The following MAD1L1 variants were observed in gnomAD, a reference collection of about 807,000 sequenced individuals.
The protein encoded by MAD1L1 is mitotic arrest deficient 1 like 1, also known as mitotic spindle assembly checkpoint protein MAD1.
MAD1L1 carries 95 observed loss-of-function variants against 96.9 expected under a neutral mutation model. That is an observed-to-expected ratio of 0.98 (90% CI 0.83 to 1.16). MAD1L1 has a LOEUF of 1.16. Ranked by LOEUF, MAD1L1 falls within the 50% of genes most tolerant of loss-of-function variation. The pLI, the probability that MAD1L1 is intolerant of heterozygous loss-of-function variation, is 0.00. For missense variants in MAD1L1, 1,007 were observed against 954.4 expected, an observed-to-expected ratio of 1.06 and a Z score of -0.73; for synonymous variants, 473 against 396.6, an observed-to-expected ratio of 1.19 and a Z score of -2.29.
chr7:2,028,214 A>G (rs993829763), intron 12 of MAD1L1, among the ~76,000 whole-genome samples: 2 of 152,074 alleles, frequency 1.3e-5, no homozygotes, highest in Non-Finnish European at 2.9e-5. Flanking sequence ...TTACGAGGTC[A>G]GGAGATCGAG....
At chr7:2,095,381 A>C (rs1359621345) in intron 11 of MAD1L1, among the ~76,000 whole-genome samples, 1 of 150,908 alleles carries the variant, frequency 6.6e-6, no homozygotes, top group African/African-American at 2.5e-5. Context: ...TTTTGGAAAG[A>C]TAAAAAAAGA....
chr7:2,101,031 C>A (rs1786755588), intron 11 of MAD1L1, among the ~76,000 whole-genome samples: 1 of 152,224 alleles, frequency 6.6e-6, no homozygotes, highest in South Asian at 2.1e-4. Context: ...ACCTAATTAA[C>A]CACTTTCCCC....
In MAD1L1 at chr7:1,827,946, T is replaced by G. The variant is rs1391853687; in HGVS notation, c.1999-11718A>C. ...GGCCCATGCTGCTGGCAGTGACGTTTCGTGGAGCGCCACGCTTAGGGCAAT... is the reference window on the plus strand; with the variant it reads ...GGCCCATGCTGCTGGCAGTGACGTTGCGTGGAGCGCCACGCTTAGGGCAAT... On this transcript the variant is annotated intron_variant, in intron 18 of 18. Coordinates refer to ENST00000265854, the MANE Select transcript of MAD1L1 (RefSeq NM_001013836.2). 9.8e-5 allele frequency among the ~76,000 whole-genome samples: 15 copies of G among 152,298 alleles called. No individual in the cohort carries two copies. The South Asian group carries it at 2.5e-3, about 25-fold the overall frequency.
At chr7:1,961,743 G>C (rs1284765167) in intron 15 of MAD1L1, among the ~76,000 whole-genome samples, 1 of 152,252 alleles carries the variant, frequency 6.6e-6, no homozygotes. Flanking sequence ...TGTGTTGCGG[G>C]AGGGATATGG....
At chr7:2,034,013 T>C (rs1310817353) in intron 12 of MAD1L1, among the ~76,000 whole-genome samples, 2 of 152,138 alleles carry the variant, frequency 1.3e-5, no homozygotes, top group African/African-American at 4.8e-5. Flanking sequence ...GGAGGATATA[T>C]TGAGCCCTGG....
chr7:2,067,221 G>A (rs1784917160), intron 12 of MAD1L1, among the ~76,000 whole-genome samples: 1 of 149,008 alleles, frequency 6.7e-6, no homozygotes, highest in South Asian at 2.2e-4. Flanking sequence ...ATCAGGCCAT[G>A]TTCGCAGGCA....
At chr7:2,139,986 A>ACCCCCCCCCCCCCCCCCCCCCCCCCCCC (rs1562723081) in intron 11 of MAD1L1, among the ~76,000 whole-genome samples, 1 of 138,926 alleles carries the variant, frequency 7.2e-6, no homozygotes, top group African/African-American at 2.7e-5. Flanking sequence ...TACTATCTGG[A>ACCCCCCCCCCCCCCCCCCCCCCCCCCCC]CCCCGCCCCC....
intron 10 of MAD1L1, among the ~76,000 whole-genome samples, chr7:2,170,263 T>C (rs536072404): frequency 3.9e-4 from 59 of 152,090 alleles, no homozygotes; most frequent in Non-Finnish European, 7.6e-4. Flanking sequence ...CACGTGCACA[T>C]AAAGCCATCC....
At chr7:1,819,342 G>A (rs915886019) in intron 18 of MAD1L1, among the ~76,000 whole-genome samples, 8 of 152,168 alleles carry the variant, frequency 5.3e-5, no homozygotes, top group Admixed American at 3.3e-4. Context: ...TCTAGTCTGC[G>A]CACATAGCGG....
chr7:1,957,752 C>G, intron 15 of MAD1L1, 33 bp from the exon 16 acceptor site: 1 of 1,607,250 alleles, frequency 6.2e-7, no homozygotes, highest in Non-Finnish European at 8.5e-7. Context: ...ACCAGGTGTC[C>G]GAGGCCAGCC....
chr7:1,897,300 A>G (rs1307271509), intron 18 of MAD1L1, among the ~76,000 whole-genome samples: 1 of 149,568 alleles, frequency 6.7e-6, no homozygotes, highest in African/African-American at 2.5e-5. Context: ...TGCAGACTGC[A>G]GGCAGTTTAG....
intron 11 of MAD1L1, among the ~76,000 whole-genome samples, chr7:2,143,880 G>T (rs1401750121): frequency 6.6e-6 from 1 of 152,194 alleles, no homozygotes; most frequent in Non-Finnish European, 1.5e-5. Flanking sequence ...AGCTCCATCT[G>T]CATCCACGGC....
intron 11 of MAD1L1, among the ~76,000 whole-genome samples, chr7:2,078,101 C>T (rs902710668): frequency 2.6e-4 from 39 of 152,262 alleles, no homozygotes; most frequent in African/African-American, 8.2e-4. Flanking sequence ...TCTCTGCCAT[C>T]GAAGCCCCCA....
intron 13 of MAD1L1, among the ~76,000 whole-genome samples, chr7:2,010,630 C>A (rs921068244): frequency 6.6e-6 from 1 of 152,240 alleles, no homozygotes; most frequent in Non-Finnish European, 1.5e-5. Flanking sequence ...CAACTCAACA[C>A]TGTTTTCCTG....
chr7:2,061,631 G>A (rs1032485221), intron 12 of MAD1L1, among the ~76,000 whole-genome samples: 10 of 152,326 alleles, frequency 6.6e-5, no homozygotes, highest in East Asian at 5.8e-4. Context: ...TGGCAGCCCC[G>A]GGAACTGACC....
chr7:1,916,718 T>C (rs1279476180), intron 17 of MAD1L1, among the ~76,000 whole-genome samples: 1 of 152,012 alleles, frequency 6.6e-6, no homozygotes, highest in African/African-American at 2.4e-5. Context: ...GGGTGTCTTG[T>C]TGCCTCCCTG....
Position 1,898,347 on chromosome 7 carries a change from C to T in MAD1L1, c.1851G>A (p.Arg617=), listed in dbSNP as rs201332815. The T allele has an allele frequency of 7.4e-6, 12 of 1,614,058 alleles. No individual in the cohort carries two copies. The East Asian group carries it at 2.7e-4, about 36-fold the overall frequency. ...QVESAELKNQ[R]LKEVFQTKIQ... is the part of the protein sequence containing the mutation. ...TCTTGGTCTGGAAAACCTCCTTGAG[C>T]CGCTGGTTCTTCAGCTCGGCACTCT... The change falls in exon 18 of 19, where the codon CGG becomes CGA. Residue 617 remains arginine, a synonymous_variant. Transcript: ENST00000265854.
intron 15 of MAD1L1, among the ~76,000 whole-genome samples, chr7:1,958,561 A>AT (rs1779823105): frequency 6.6e-6 from 1 of 152,220 alleles, no homozygotes; most frequent in African/African-American, 2.4e-5. Context: ...TCTTTCCAAG[A>AT]AACCTAACTG....
intron 11 of MAD1L1, among the ~76,000 whole-genome samples, chr7:2,085,446 C>T (rs951005890): frequency 2.1e-4 from 32 of 152,228 alleles, no homozygotes; most frequent in African/African-American, 7.0e-4. Context: ...CCACCTGGTT[C>T]TCCCAGGGCA....
Sources: allele counts gnomAD v4.1 joint callset (sites outside exome capture counted in the v4.1 genomes callset), GRCh38; gene constraint gnomAD v4.1.1; transcripts MANE v1.5; gene names NCBI Gene and HGNC (gene_info 2026-07-23, HGNC 2026-07-21).